Variants in PLA2G6 observed in about 807,000 individuals in gnomAD.
PLA2G6 encodes the protein 85/88 kDa calcium-independent phospholipase A2.
Under a neutral mutation model 83.8 loss-of-function variants are expected in PLA2G6, and 62 were observed. That is an observed-to-expected ratio of 0.74 (90% CI 0.60 to 0.91). PLA2G6 has a LOEUF of 0.91. Among genes scored for constraint, PLA2G6 ranks in the 40% least tolerant of loss-of-function variants. The pLI is 0.00. For missense variants in PLA2G6, 944 were observed against 1,102.0 expected, an observed-to-expected ratio of 0.86 and a Z score of 2.03; for synonymous variants, 417 against 449.8, an observed-to-expected ratio of 0.93 and a Z score of 0.92.
chr22:38,165,223 A>T (rs1268343181), intron 2 of PLA2G6, among the ~76,000 whole-genome samples: 1 of 152,082 alleles, frequency 6.6e-6, no homozygotes, highest in Admixed American at 6.6e-5. Flanking sequence ...TTAATATATC[A>T]CATTCATTTG....
intron 11 of PLA2G6, among the ~76,000 whole-genome samples, chr22:38,122,875 C>T (rs2087602236): frequency 6.6e-6 from 1 of 152,200 alleles, no homozygotes; most frequent in Admixed American, 6.5e-5. Flanking sequence ...CCCTCTGTGG[C>T]CAGAGGGCGG....
At chr22:38,126,343 G>T (rs775663600) in intron 10 of PLA2G6, 28 bp downstream of exon 10, 2 of 1,570,358 alleles carry the variant, frequency 1.3e-6, no homozygotes, top group African/African-American at 1.3e-5. Context: ...CACGTTCCCC[G>T]CTCTGCCCCC....
In PLA2G6 at chr22:38,128,876, C is replaced by T. The variant is rs1435453104; in HGVS notation, c.1187-446G>A. Among the ~76,000 whole-genome samples the T allele has an allele frequency of 1.3e-5, 2 of 152,252 alleles. No homozygotes were observed. Among genetic ancestry groups the T allele is most frequent in the Admixed American group, 6.5e-5 (1 of 15,290 alleles). On this transcript the variant is annotated intron_variant, in intron 8 of 16. Transcript: ENST00000332509. The surrounding 1 kb of genome is among the most constrained non-coding windows in gnomAD (Gnocchi z 4.4). ...CATAGATGCGGTGCATGCAGACACA[C>T]ACGTGTGCACTGGCACACACACACT...
At chr22:38,136,889 T>TTGAGACAGGATTTCCCTTTGTC (rs552338025) in intron 5 of PLA2G6, 1 of 152,324 alleles carries the variant, frequency 6.6e-6, no homozygotes. Context: ...GTTTGTTTGT[T>TTGAGACAGGATTTCCCTTTGTC]TGAGACAGGA....
chr22:38,118,603 C>T (rs78665770), intron 12 of PLA2G6, among the ~76,000 whole-genome samples: 2,883 of 152,124 alleles, frequency 0.019, 105 homozygotes, highest in African/African-American at 0.066. Flanking sequence ...TGTATGGATT[C>T]GAAATCTTTT....
At chr22:38,124,649 T>C (rs2087727098) in intron 10 of PLA2G6, among the ~76,000 whole-genome samples, 1 of 152,062 alleles carries the variant, frequency 6.6e-6, no homozygotes, top group African/African-American at 2.4e-5. Flanking sequence ...ATTCGCAATC[T>C]TTCTTTTACT....
In PLA2G6 at chr22:38,174,288, T is replaced by C. The variant is rs188855383; in HGVS notation, c.-45-4817A>G. On this transcript the variant is annotated intron_variant, in intron 1 of 16. Coordinates refer to ENST00000332509, the MANE Select transcript of PLA2G6 (RefSeq NM_003560.4). ...TGGCGGGTGCCTGTAGTCCCAGCTATTCGGGAGGCTGAGGCAGGAGAATGG... is the reference window on the plus strand; with the variant it reads ...TGGCGGGTGCCTGTAGTCCCAGCTACTCGGGAGGCTGAGGCAGGAGAATGG... Among the ~76,000 whole-genome samples the C allele has an allele frequency of 8.1e-3, 1,227 of 151,460 alleles. 17 individuals are homozygous for C. The highest frequency in any genetic ancestry group is 0.028 in the African/African-American group (1,167 of 41,270).
chr22:38,150,921 T>C (rs931645948), intron 2 of PLA2G6, among the ~76,000 whole-genome samples: 2 of 152,184 alleles, frequency 1.3e-5, no homozygotes, highest in Admixed American at 1.3e-4. Context: ...ACCCCGTCTC[T>C]ACTAAAAATA....
At chr22:38,114,869 G>A (rs1369610703) in intron 14 of PLA2G6, among the ~76,000 whole-genome samples, 1 of 152,188 alleles carries the variant, frequency 6.6e-6, no homozygotes, top group Admixed American at 6.5e-5. Context: ...TGCAGTGAGT[G>A]CAGGCAGAAC....
chr22:38,167,385 C>G (rs2090261852), intron 2 of PLA2G6, among the ~76,000 whole-genome samples: 1 of 152,148 alleles, frequency 6.6e-6, no homozygotes, highest in Non-Finnish European at 1.5e-5. Context: ...AATCTGGAAT[C>G]CTGTCAAGGG....
intron 2 of PLA2G6, among the ~76,000 whole-genome samples, chr22:38,152,970 A>G (rs1450346262): frequency 6.7e-6 from 1 of 149,878 alleles, no homozygotes; most frequent in Non-Finnish European, 1.5e-5. Context: ...CCTGCGGGGA[A>G]AAAAAAAAAG....
In PLA2G6 at chr22:38,111,888, G is replaced by A; in HGVS notation, c.*273C>T. On this transcript the variant is annotated 3_prime_UTR_variant, in exon 17 of 17. Coordinates refer to ENST00000332509, the MANE Select transcript of PLA2G6 (RefSeq NM_003560.4). ...GTACCCTTAATGTTTGAGCTGATGG[G>A]GGAGTCAGTTGTCCTTGACAGTCAG... The A allele has an allele frequency of 1.9e-6, 1 of 522,192 alleles. No individual in the cohort carries two copies. The highest frequency in any genetic ancestry group is 2.0e-5 in the South Asian group (1 of 49,632). The allele number at this position is 522,192 out of a possible 1,614,324, so 32.3% of individuals were successfully genotyped here. A position where few individuals can be genotyped will look rare whatever the true frequency, so the allele number is the denominator to read the frequency against.
intron 8 of PLA2G6, 88 bp downstream of exon 8, chr22:38,129,366 C>T (rs1201369505): frequency 5.1e-5 from 47 of 915,444 alleles, no homozygotes; most frequent in Non-Finnish European, 8.5e-5. Context: ...AGGATGCTGG[C>T]ACCTGATGCC....
intron 7 of PLA2G6, chr22:38,131,777 A>G (rs533628763): frequency 1.3e-5 from 3 of 238,112 alleles, no homozygotes; most frequent in Admixed American, 5.2e-5. Context: ...ACTTCTGTAC[A>G]TACGGTATTG....
At chr22:38,172,223 T>C (rs907138717) in intron 1 of PLA2G6, among the ~76,000 whole-genome samples, 4 of 152,172 alleles carry the variant, frequency 2.6e-5, no homozygotes, top group African/African-American at 9.7e-5. Context: ...ATTTTACATA[T>C]GAGAACACCA....
At chr22:38,152,114 T>C (rs2089588851) in intron 2 of PLA2G6, among the ~76,000 whole-genome samples, 2 of 152,166 alleles carry the variant, frequency 1.3e-5, no homozygotes, top group South Asian at 4.1e-4. Flanking sequence ...GTTTGGGTCA[T>C]AGGGGTGGAT....
At chr22:38,153,151 G>A (rs1467996221) in intron 2 of PLA2G6, among the ~76,000 whole-genome samples, 1 of 152,344 alleles carries the variant, frequency 6.6e-6, no homozygotes, top group African/African-American at 2.4e-5. Context: ...GCCAAATAGG[G>A]CTGGGCGCGG....
chr22:38,149,584 A>G (rs545490562), intron 2 of PLA2G6: 1 of 152,354 alleles, frequency 6.6e-6, no homozygotes, highest in Non-Finnish European at 1.5e-5. Context: ...CAGAGTAGAA[A>G]AAGAATCAAA....
intron 10 of PLA2G6, among the ~76,000 whole-genome samples, chr22:38,124,813 A>G (rs975801035): frequency 1.3e-5 from 2 of 152,132 alleles, no homozygotes; most frequent in African/African-American, 2.4e-5. Flanking sequence ...TGGACCAGGT[A>G]CCCAGCCCCA....
Sources: gnomAD v4.1 joint callset for allele counts (sites outside exome capture counted in the v4.1 genomes callset) on GRCh38, gnomAD v4.1.1 for gene constraint, Gnocchi (gnomAD v3.1) non-coding constraint, MANE v1.5 for transcripts, NCBI Gene and HGNC (gene_info 2026-07-23, HGNC 2026-07-21) for gene names.